PCDH7: variants seen among roughly 807,000 people sequenced by gnomAD.
PCDH7 encodes protocadherin-7.
Under a neutral mutation model 58.9 loss-of-function variants are expected in PCDH7, and 17 were observed. The ratio of observed to expected loss-of-function variants is 0.29; its 90% confidence interval spans 0.20 to 0.43. PCDH7 has a LOEUF of 0.43. PCDH7 is among the 20% of genes least tolerant of loss of function. PCDH7 has a pLI of 1.00. For missense variants in PCDH7, 1,274 were observed against 1,441.0 expected, an observed-to-expected ratio of 0.88 and a Z score of 1.88; for synonymous variants, 664 against 616.4, an observed-to-expected ratio of 1.08 and a Z score of -1.14.
At chr4:30,855,752 T>C (rs780217691) in intron 1 of PCDH7, among the ~76,000 whole-genome samples, 9 of 152,146 alleles carry the variant, frequency 5.9e-5, no homozygotes, top group African/African-American at 2.2e-4. Context: ...CTTTTTCTTG[T>C]TGCAAAGCTA....
chr4:30,849,952 A>T (rs1393105950), intron 1 of PCDH7, among the ~76,000 whole-genome samples: 2 of 152,120 alleles, frequency 1.3e-5, no homozygotes, highest in Non-Finnish European at 2.9e-5. Context: ...ATCTTTGTTT[A>T]TAACATTACT....
At chr4:30,822,908 C>T (rs2109322872) in intron 1 of PCDH7, among the ~76,000 whole-genome samples, 1 of 152,186 alleles carries the variant, frequency 6.6e-6, no homozygotes, top group East Asian at 1.9e-4. Context: ...ATGCATTTTC[C>T]TTTTCTTCAT....
chr4:30,938,525 A>C (rs1158135661), intron 2 of PCDH7, among the ~76,000 whole-genome samples: 1 of 151,678 alleles, frequency 6.6e-6, no homozygotes. Context: ...CACACACACC[A>C]GCCTTGATAG....
At chr4:30,949,684 C>A (rs1747134547) in intron 2 of PCDH7, among the ~76,000 whole-genome samples, 1 of 151,928 alleles carries the variant, frequency 6.6e-6, no homozygotes, top group Non-Finnish European at 1.5e-5. Flanking sequence ...AAGGAAGGTG[C>A]ATTGTGAGAC....
At chr4:30,869,428 T>C (rs1358697813) in intron 1 of PCDH7, among the ~76,000 whole-genome samples, 1 of 152,032 alleles carries the variant, frequency 6.6e-6, no homozygotes, top group African/African-American at 2.4e-5. Context: ...ATGCTATCCC[T>C]TCCCTAAACC....
intron 3 of PCDH7, among the ~76,000 whole-genome samples, chr4:31,005,278 A>G (rs1188825349): frequency 1.3e-5 from 2 of 152,182 alleles, no homozygotes; most frequent in African/African-American, 4.8e-5. Flanking sequence ...ACTCCTTTGC[A>G]TTTATTTGCT....
chr4:30,919,567 C>T (rs1406530137), intron 1 of PCDH7, among the ~76,000 whole-genome samples: 1 of 152,064 alleles, frequency 6.6e-6, no homozygotes, highest in African/African-American at 2.4e-5. Flanking sequence ...CAATATGACT[C>T]TTACAATTTC....
chr4:30,760,000 T>G (rs1247580709), intron 1 of PCDH7, among the ~76,000 whole-genome samples: 1 of 151,894 alleles, frequency 6.6e-6, no homozygotes, highest in Admixed American at 6.6e-5. Context: ...TAGTGGCACC[T>G]CCTCTCTACA....
chr4:30,723,799 G>C lies in PCDH7; in HGVS notation c.2377G>C (p.Glu793Gln), dbSNP rs1156415828. ...GGGAGGAAATCCCTTCAAGCTGTTT[G>C]AAATTGATCCCACTAGTGGTGTGGT... is the stretch of plus-strand genomic sequence containing the variant. The change falls in exon 1 of 2, where the codon GAA (glutamate) becomes CAA (glutamine). Residue 793 changes from glutamate (E) to glutamine (Q), a missense_variant. Physicochemically the swap from Glu to Gln is conservative, Grantham distance 29. Transcript: ENST00000361762. This position sits in a 1 kb window ranked among gnomAD's most constrained non-coding sequence, Gnocchi z 4.6. 2 of 1,614,022 alleles carry C rather than the reference G, an allele frequency of 1.2e-6. No individual in the cohort carries two copies. Among genetic ancestry groups the C allele is most frequent in the Non-Finnish European group, 1.7e-6 (2 of 1,180,042 alleles).
At chr4:30,968,370 C>A (rs34267348) in intron 3 of PCDH7, among the ~76,000 whole-genome samples, 1 of 81,206 alleles carries the variant, frequency 1.2e-5, no homozygotes, top group Non-Finnish European at 2.4e-5. Flanking sequence ...TATATATATA[C>A]ACACACTATA....
intron 1 of PCDH7, among the ~76,000 whole-genome samples, chr4:30,808,161 A>G (rs1036648829): frequency 1.3e-5 from 2 of 152,208 alleles, no homozygotes; most frequent in African/African-American, 4.8e-5. Context: ...AACAGACTGA[A>G]AACAGGTTAA....
chr4:30,920,093 TA>T, intron 1 of PCDH7, 59 bp from the exon 2 acceptor site: 1 of 1,245,970 alleles, frequency 8.0e-7, no homozygotes, highest in South Asian at 1.2e-5. Flanking sequence ...ATGTATTTTT[TA>T]AAATAAGATC....
rs1437019476 is a variant in PCDH7 at position 30,930,852 on chromosome 4, G to A, written c.287+10483G>A. On this transcript the variant is annotated intron_variant, in intron 2 of 3. Coordinates refer to the PCDH7 transcript ENST00000509759. ...CACTTTGGAGGTTGATGCGTGAGGA[G>A]GGTTTGTGCCCAGAAGTCCCAGGCT... Among the ~76,000 whole-genome samples, 5 of 151,988 alleles carry A rather than the reference G, an allele frequency of 3.3e-5. No individual in the cohort carries two copies. In the East Asian group the frequency reaches 9.6e-4, roughly 29 times the overall value.
At chr4:31,128,105 G>GTGTA (rs1416489699) in intron 3 of PCDH7, among the ~76,000 whole-genome samples, 170 of 150,132 alleles carry the variant, frequency 1.1e-3, no homozygotes, top group African/African-American at 3.7e-3. Context: ...GTATATATGT[G>GTGTA]TATATATATA....
chr4:31,122,974 C>T (rs1169549346), intron 3 of PCDH7, among the ~76,000 whole-genome samples: 11 of 151,896 alleles, frequency 7.2e-5, no homozygotes, highest in Admixed American at 7.2e-4. Flanking sequence ...GTCAGAAAAT[C>T]ATTAACTTTT....
downstream of PCDH7, among the ~76,000 whole-genome samples, chr4:30,736,540 T>TA (rs1397829126): frequency 2.8e-3 from 410 of 146,194 alleles, 2 homozygotes; most frequent in African/African-American, 1.0e-2. Context: ...CATTTATTTT[T>TA]TTTTTTTTTT....
At chr4:31,039,790 C>T (rs2109201929) in intron 3 of PCDH7, among the ~76,000 whole-genome samples, 1 of 152,270 alleles carries the variant, frequency 6.6e-6, no homozygotes. Context: ...AAAACTCAGC[C>T]AAATTTCCTC....
chr4:31,051,039 A>G (rs1169091802), intron 3 of PCDH7, among the ~76,000 whole-genome samples: 2 of 152,042 alleles, frequency 1.3e-5, no homozygotes, highest in Non-Finnish European at 2.9e-5. Context: ...TATCTATTTA[A>G]CTGACTAATT....
intron 3 of PCDH7, among the ~76,000 whole-genome samples, chr4:31,118,682 T>A (rs548609641): frequency 6.6e-6 from 1 of 152,254 alleles, no homozygotes; most frequent in African/African-American, 2.4e-5. Context: ...GAGCTAAGGA[T>A]AAAGTAAGAA....
Sources: gnomAD v4.1 joint callset for allele counts (sites outside exome capture counted in the v4.1 genomes callset) on GRCh38, gnomAD v4.1.1 for gene constraint, Gnocchi (gnomAD v3.1) non-coding constraint, MANE v1.5 for transcripts, NCBI Gene and HGNC (gene_info 2026-07-23, HGNC 2026-07-21) for gene names.